The following RCAN2 variants were observed in gnomAD, a reference collection of about 807,000 sequenced individuals.
The protein encoded by RCAN2 is calcipressin-2.
RCAN2 carries 9 observed loss-of-function variants against 23.6 expected under a neutral mutation model. The observed-to-expected ratio is 0.38, with a 90% confidence interval of 0.23 to 0.67. The LOEUF (loss-of-function observed/expected upper bound fraction) is 0.67, where lower values mean the gene tolerates loss of function less well. RCAN2 is among the 30% of genes least tolerant of loss of function. The probability of loss-of-function intolerance (pLI) is 0.51; values close to 1 mark genes in which losing one functional copy is unlikely to be tolerated. For synonymous variants in RCAN2, 109 were observed against 115.7 expected (o/e 0.94, Z 0.37); for missense variants, 273 against 302.3 (o/e 0.90, Z 0.72).
intron 2 of RCAN2, chr6:46,325,278 G>T: frequency 8.9e-7 from 1 of 1,123,272 alleles, no homozygotes; most frequent in Non-Finnish European, 1.3e-6. Context: ...TGCATTTCTA[G>T]CGCAGACTAT....
At chr6:46,469,840 T>C (rs543964700) in intron 1 of RCAN2, among the ~76,000 whole-genome samples, 1 of 152,170 alleles carries the variant, frequency 6.6e-6, no homozygotes, top group Non-Finnish European at 1.5e-5. Flanking sequence ...TTAAGGTACT[T>C]ACAAAAGAGG....
At chr6:46,483,347 A>T (rs868726453) in intron 1 of RCAN2, among the ~76,000 whole-genome samples, 3 of 152,132 alleles carry the variant, frequency 2.0e-5, no homozygotes, top group South Asian at 2.1e-4. Context: ...ATCAGTCTGC[A>T]TACACGTAGG....
intron 2 of RCAN2, among the ~76,000 whole-genome samples, chr6:46,331,328 A>G (rs1365970422): frequency 1.3e-5 from 2 of 150,916 alleles, no homozygotes; most frequent in African/African-American, 4.9e-5. Flanking sequence ...TTCATGATTT[A>G]CTTCCCTATT....
intron 4 of RCAN2, among the ~76,000 whole-genome samples, chr6:46,246,052 T>C (rs371268426): frequency 6.6e-6 from 1 of 152,212 alleles, no homozygotes; most frequent in African/African-American, 2.4e-5. Flanking sequence ...GACAAGTGCA[T>C]AGAGATGTAC....
chr6:46,373,742 C>T (rs1765388189), intron 2 of RCAN2, among the ~76,000 whole-genome samples: 1 of 152,094 alleles, frequency 6.6e-6, no homozygotes. Context: ...ACAGAGTCTT[C>T]AGGAAGAACT....
chr6:46,480,047 C>A (rs906320148), intron 1 of RCAN2, among the ~76,000 whole-genome samples: 1 of 152,114 alleles, frequency 6.6e-6, no homozygotes, highest in Non-Finnish European at 1.5e-5. Context: ...ACACAAATTC[C>A]GGCACCAAAA....
At chr6:46,385,514 G>A (rs1390370334) in intron 2 of RCAN2, among the ~76,000 whole-genome samples, 1 of 152,066 alleles carries the variant, frequency 6.6e-6, no homozygotes, top group Non-Finnish European at 1.5e-5. Flanking sequence ...ACCGAAACTG[G>A]ACCCTTTTCT....
intron 2 of RCAN2, among the ~76,000 whole-genome samples, chr6:46,312,767 G>C (rs1763304927): frequency 6.6e-6 from 1 of 152,226 alleles, no homozygotes; most frequent in Admixed American, 6.5e-5. Flanking sequence ...GGACTCTGCA[G>C]TTTCACAAGC....
At chr6:46,439,114 G>T (rs1385019754) in intron 2 of RCAN2, among the ~76,000 whole-genome samples, 3 of 152,200 alleles carry the variant, frequency 2.0e-5, no homozygotes, top group Non-Finnish European at 1.5e-5. Flanking sequence ...GATACTTGGA[G>T]ACAGGATTTT....
chr6:46,326,274 T>C (rs1473723762), intron 2 of RCAN2, among the ~76,000 whole-genome samples: 1 of 152,200 alleles, frequency 6.6e-6, no homozygotes, highest in African/African-American at 2.4e-5. Context: ...GATTTCAGGC[T>C]GTCTCCAAGG....
chr6:46,429,455 G>C (rs571367651), intron 2 of RCAN2, among the ~76,000 whole-genome samples: 1 of 152,198 alleles, frequency 6.6e-6, no homozygotes, highest in East Asian at 1.9e-4. Flanking sequence ...CAAACTTCTT[G>C]GTAGACTGCA....
chr6:46,380,112 C>A (rs1200450546), intron 2 of RCAN2, among the ~76,000 whole-genome samples: 1 of 152,124 alleles, frequency 6.6e-6, no homozygotes, highest in African/African-American at 2.4e-5. Context: ...TATCTGAAGT[C>A]TTTGGCATTA....
chr6:46,377,440 A>G (rs1482609645), intron 2 of RCAN2, among the ~76,000 whole-genome samples: 1 of 152,232 alleles, frequency 6.6e-6, no homozygotes, highest in Non-Finnish European at 1.5e-5. Flanking sequence ...TGGAACTACC[A>G]GGGTCAGTCA....
At chr6:46,259,176 A>G (rs1767026652) in intron 2 of RCAN2, among the ~76,000 whole-genome samples, 1 of 152,160 alleles carries the variant, frequency 6.6e-6, no homozygotes, top group Admixed American at 6.5e-5. Context: ...ACCGAGTGAG[A>G]CCCTGTCTCA....
intron 4 of RCAN2, among the ~76,000 whole-genome samples, chr6:46,237,811 C>T (rs187316557): frequency 1.8e-4 from 27 of 152,272 alleles, no homozygotes; most frequent in African/African-American, 6.5e-4. Flanking sequence ...AACCCTATGT[C>T]CAAGTTGTAA....
At chr6:46,325,340 G>A (rs916426580) in intron 2 of RCAN2, 2 of 1,603,870 alleles carry the variant, frequency 1.2e-6, no homozygotes, top group Non-Finnish European at 1.7e-6. Context: ...AAAAGGCTCT[G>A]CCAAGCAGCG....
chr6:46,268,681 T>G (rs1447774792), intron 2 of RCAN2, among the ~76,000 whole-genome samples: 18 of 152,228 alleles, frequency 1.2e-4, no homozygotes, highest in Admixed American at 1.2e-3. Flanking sequence ...AAGAATCACT[T>G]CAATTTTCCC....
chr6:46,305,380 C>T (rs1338879115), intron 2 of RCAN2, among the ~76,000 whole-genome samples: 1 of 152,082 alleles, frequency 6.6e-6, no homozygotes, highest in African/African-American at 2.4e-5. Context: ...GGGGCCTGCT[C>T]CATTCCCTGT....
At chr6:46,361,517 T>C (rs1339733143) in intron 2 of RCAN2, among the ~76,000 whole-genome samples, 5 of 152,230 alleles carry the variant, frequency 3.3e-5, no homozygotes, top group Middle Eastern at 3.2e-3. Flanking sequence ...TGATGCTGCA[T>C]TGGGCTCTTG....
Sources: gnomAD v4.1 joint callset for allele counts (sites outside exome capture counted in the v4.1 genomes callset) on GRCh38, gnomAD v4.1.1 for gene constraint, MANE v1.5 for transcripts, NCBI Gene and HGNC (gene_info 2026-07-23, HGNC 2026-07-21) for gene names.